The following NEXMIF variants were observed in gnomAD, a reference collection of about 807,000 sequenced individuals.
NEXMIF encodes neurite extension and migration factor.
In NEXMIF, 8 loss-of-function variants were observed where a neutral mutation model predicts 62.1. The observed-to-expected ratio is 0.13, with a 90% CI of 0.08 to 0.23. The LOEUF (loss-of-function observed/expected upper bound fraction) is 0.23. Ranked by LOEUF, NEXMIF falls within the 10% of genes least tolerant of loss-of-function variation. The probability of loss-of-function intolerance (pLI) is 1.00; values close to 1 mark genes in which losing one functional copy is unlikely to be tolerated. For synonymous variants in NEXMIF, 404 were observed against 416.6 expected (o/e 0.97, Z 0.37); for missense variants, 976 against 1,113.3 (o/e 0.88, Z 1.75).
intron 1 of NEXMIF, among the ~76,000 whole-genome samples, chrX:74,780,487 G>A (rs143025923): frequency 1.1e-3 from 119 of 107,714 alleles, no homozygotes; most frequent in African/African-American, 3.9e-3. Flanking sequence ...CAATCCTCCT[G>A]CCTCAGTCCC....
intron 1 of NEXMIF, among the ~76,000 whole-genome samples, chrX:74,858,615 C>T (rs145306972): frequency 9.0e-6 from 1 of 111,029 alleles, no homozygotes; most frequent in Non-Finnish European, 1.9e-5. Context: ...TTAGTAGACA[C>T]GGATGAATGT....
chrX:74,820,983 T>C (rs1242681952), intron 1 of NEXMIF, among the ~76,000 whole-genome samples: 1 of 110,958 alleles, frequency 9.0e-6, no homozygotes, highest in Non-Finnish European at 1.9e-5. Flanking sequence ...AATTTACCAA[T>C]GTAACCAACC....
Position 74,885,148 on chromosome X carries a change from T to C in NEXMIF, c.-48+39735A>G, listed in dbSNP as rs1290049749. 2.8e-5 allele frequency among the ~76,000 whole-genome samples: 3 copies of C among 107,643 alleles called. No individual in the cohort carries two copies. The East Asian group carries it at 8.6e-4, about 31-fold the overall frequency. The allele number at this position is 107,643 out of a possible 115,157, so 93.5% of individuals were successfully genotyped here. On this transcript the variant is annotated intron_variant, in intron 1 of 3. Transcript: ENST00000055682. ...AATCTCTGGGACACATTCAAAGCAG[T>C]GTGTAGAGGGAAATTTATAGCACTA...
At chrX:74,794,868 C>T (rs1369623054) in intron 1 of NEXMIF, among the ~76,000 whole-genome samples, 1 of 111,708 alleles carries the variant, frequency 9.0e-6, no homozygotes, top group East Asian at 2.8e-4. Flanking sequence ...TGACCTACGC[C>T]CACTGTCTGG....
intron 1 of NEXMIF, among the ~76,000 whole-genome samples, chrX:74,773,908 CAAAAAAAAAAAAAA>C (rs61514458): frequency 2.6e-5 from 1 of 38,082 alleles, no homozygotes; most frequent in African/African-American, 1.1e-4. Context: ...GACTCCGTCT[CAAAAAAAAAAAAAA>C]AAAAAAAAAA....
At chrX:74,761,411 C>T (rs908233306) in intron 1 of NEXMIF, among the ~76,000 whole-genome samples, 3 of 111,073 alleles carry the variant, frequency 2.7e-5, no homozygotes, top group African/African-American at 9.8e-5. Flanking sequence ...TTACTAATTC[C>T]TTGTTCAGAA....
chrX:74,849,126 T>A (rs2080504381), intron 1 of NEXMIF, among the ~76,000 whole-genome samples: 1 of 112,638 alleles, frequency 8.9e-6, no homozygotes, highest in South Asian at 3.7e-4. Context: ...TCTTCCAGTA[T>A]GTCTGTTCAA....
Position 74,767,305 on chromosome X carries a change from T to G in NEXMIF, c.-47-21608A>C, listed in dbSNP as rs765022924. ...GCTGGGGGTCTGCTCCAGTCCCTAATCACTTCAGATTTTCCAGCACCTAAG... is the reference window on the plus strand; with the variant it reads ...GCTGGGGGTCTGCTCCAGTCCCTAAGCACTTCAGATTTTCCAGCACCTAAG... On this transcript the variant is annotated intron_variant, in intron 1 of 3. Transcript: ENST00000055682. Among the ~76,000 whole-genome samples, 18 of 112,515 alleles carry G rather than the reference T, an allele frequency of 1.6e-4. 1 individual carries two copies. The South Asian group carries it at 6.2e-3, about 39-fold the overall frequency.
At position 74,782,515 on chromosome X, in the gene NEXMIF, TA is replaced by T. The variant is rs762357065; in HGVS notation, c.-47-36819del. Among the ~76,000 whole-genome samples the T allele has an allele frequency of 3.6e-5, 4 of 110,730 alleles. No individual in the cohort carries two copies. The East Asian group carries it at 8.6e-4, about 24-fold the overall frequency. On this transcript the variant is annotated intron_variant, in intron 1 of 3. Coordinates refer to ENST00000055682, the MANE Select transcript of NEXMIF (RefSeq NM_001008537.3). ...CCCTACTACAGACCCTTCCTTCATA[TA>T]AGGCCTTCTGTATGGGGCCCTTACT...
chrX:74,793,582 G>A (rs1169070820), intron 1 of NEXMIF, among the ~76,000 whole-genome samples: 3 of 110,924 alleles, frequency 2.7e-5, no homozygotes, highest in African/African-American at 6.6e-5. Flanking sequence ...TTCCAACTTG[G>A]TTCCATTCTC....
intron 1 of NEXMIF, among the ~76,000 whole-genome samples, chrX:74,793,655 C>T (rs1472252791): frequency 9.3e-6 from 1 of 107,871 alleles, no homozygotes; most frequent in Admixed American, 1.0e-4. Flanking sequence ...TCCCATATTT[C>T]TTGGAGGCTT....
intron 1 of NEXMIF, among the ~76,000 whole-genome samples, chrX:74,824,688 G>A (rs939254045): frequency 1.9e-5 from 2 of 103,813 alleles, no homozygotes; most frequent in African/African-American, 3.6e-5. Flanking sequence ...TCACTCTGTC[G>A]CCCAGGCTGG....
intron 1 of NEXMIF, among the ~76,000 whole-genome samples, chrX:74,762,504 G>C (rs1418089512): frequency 2.7e-5 from 3 of 111,473 alleles, no homozygotes; most frequent in Non-Finnish European, 5.6e-5. Flanking sequence ...GGGTCAAATG[G>C]TATTTCTAGT....
At chrX:74,781,312 T>A (rs191670475) in intron 1 of NEXMIF, among the ~76,000 whole-genome samples, 1 of 112,628 alleles carries the variant, frequency 8.9e-6, no homozygotes, top group East Asian at 2.8e-4. Flanking sequence ...GTTAGTGGCA[T>A]AAATCGATGA....
At chrX:74,785,528 T>A (rs2080258096) in intron 1 of NEXMIF, among the ~76,000 whole-genome samples, 2 of 111,776 alleles carry the variant, frequency 1.8e-5, no homozygotes, top group African/African-American at 6.5e-5. Flanking sequence ...TCATTCCCCC[T>A]TTGCATAGTT....
chrX:74,888,584 C>A (rs1569363948), intron 1 of NEXMIF, among the ~76,000 whole-genome samples: 1 of 110,277 alleles, frequency 9.1e-6, no homozygotes, highest in Non-Finnish European at 1.9e-5. Flanking sequence ...GGAGAAATAC[C>A]TAATGTAGAT....
At chrX:74,802,823 G>C (rs2080333798) in intron 1 of NEXMIF, among the ~76,000 whole-genome samples, 1 of 110,749 alleles carries the variant, frequency 9.0e-6, no homozygotes, top group Non-Finnish European at 1.9e-5. Context: ...AAACAGAGAA[G>C]AAATTTAGAA....
At chrX:74,887,674 T>C (rs775363466) in intron 1 of NEXMIF, among the ~76,000 whole-genome samples, 2 of 110,713 alleles carry the variant, frequency 1.8e-5, no homozygotes, top group African/African-American at 6.6e-5. Context: ...TGTGGAGAAA[T>C]AGGAACACTT....
chrX:74,744,327 G>A lies in NEXMIF; in HGVS notation c.230C>T (p.Pro77Leu), dbSNP rs1456524704. The A allele has an allele frequency of 1.7e-6, 2 of 1,211,498 alleles. No individual in the cohort carries two copies. Among genetic ancestry groups the A allele is most frequent in the Admixed American group, 2.2e-5 (1 of 45,968 alleles). Residue 77 changes from proline (P) to leucine (L), a missense_variant, in exon 3 of 4, where the codon CCG (proline) becomes CTG (leucine). Around this residue, in one of 5 missense-constraint regions of NEXMIF, gnomAD observed 126 missense variants for 146.5 expected, o/e 0.86. Coordinates refer to ENST00000055682, the MANE Select transcript of NEXMIF (RefSeq NM_001008537.3). ...TTCAATCAGGCCCAAAGGAGAGGGCGGGCTCTGCATACAGGGCTTCTTAGA... is the reference window on the plus strand; with the variant it reads ...TTCAATCAGGCCCAAAGGAGAGGGCAGGCTCTGCATACAGGGCTTCTTAGA... ...LPSKKPCMQS[P>L]PSPLGLIEAP...
Sources: gnomAD v4.1 joint callset for allele counts (sites outside exome capture counted in the v4.1 genomes callset) on GRCh38, gnomAD v4.1.1 for gene constraint, gnomAD v4.1.1 regional missense constraint, MANE v1.5 for transcripts, NCBI Gene and HGNC (gene_info 2026-07-23, HGNC 2026-07-21) for gene names.